GALK2: variants seen among roughly 807,000 people sequenced by gnomAD.
The protein encoded by GALK2 is galactokinase 2.
A neutral mutation model predicts 52.4 loss-of-function variants in GALK2; 36 were observed. That is an observed-to-expected ratio of 0.69 (90% CI 0.53 to 0.91). The LOEUF (loss-of-function observed/expected upper bound fraction) is 0.91. Ranked by LOEUF, GALK2 falls within the 40% of genes least tolerant of loss-of-function variation. GALK2 has a pLI of 0.00. For synonymous variants in GALK2, 176 were observed against 199.1 expected (o/e 0.88, Z 0.98); for missense variants, 579 against 559.1 (o/e 1.04, Z -0.36).
chr15:49,301,358 G>C (rs896312371), intron 8 of GALK2, among the ~76,000 whole-genome samples: 10 of 152,152 alleles, frequency 6.6e-5, no homozygotes, highest in African/African-American at 2.4e-4. Context: ...ATAGTTTCAG[G>C]CTTATTTGCC....
In GALK2 at chr15:49,328,454, C is replaced by T; in HGVS notation, c.*295C>T. On this transcript the variant is annotated 3_prime_UTR_variant, in exon 10 of 10. Transcript: ENST00000560031. ...GATTTTAAAGATGAATGGTAAAACA[C>T]ACTCTTAATACTGATTACATGGATT... is the stretch of plus-strand genomic sequence containing the variant. 1 of 1,470,536 alleles carries T rather than the reference C, an allele frequency of 6.8e-7. No individual in the cohort carries two copies. The highest frequency in any genetic ancestry group is 9.0e-7 in the Non-Finnish European group (1 of 1,111,108). 91.1% of individuals were successfully genotyped at this position (1,470,536 alleles called of 1,614,324 possible). A position where few individuals can be genotyped will look rare whatever the true frequency, so the allele number is the denominator to read the frequency against.
intron 1 of GALK2, among the ~76,000 whole-genome samples, chr15:49,200,495 A>G (rs1056264712): frequency 1.3e-5 from 2 of 152,238 alleles, no homozygotes; most frequent in African/African-American, 2.4e-5. Flanking sequence ...CTTTAATCCA[A>G]TATGACTGGT....
chr15:49,211,802 T>C (rs2088919520), intron 2 of GALK2, among the ~76,000 whole-genome samples: 1 of 152,036 alleles, frequency 6.6e-6, no homozygotes, highest in African/African-American at 2.4e-5. Flanking sequence ...AGAACCACAC[T>C]CAGGAGATTG....
chr15:49,319,804 C>T lies in GALK2; in HGVS notation c.1168C>T (p.Arg390Trp), dbSNP rs769469670. 8.7e-6 allele frequency: 14 copies of T among 1,612,566 alleles called. No individual in the cohort carries two copies. Among genetic ancestry groups the T allele is most frequent in the Middle Eastern group, 1.7e-4 (1 of 5,766 alleles). ...PELDQLVDIC[R>W]KFGAQGSRLT... ...GCTGGATCAGCTGGTGGACATCTGT[C>T]GGTGAGGCAGCCTGGTGGGGGCCAA... is the stretch of plus-strand genomic sequence containing the variant. The change falls in exon 9 of 10, where the codon CGG becomes TGG. Residue 390 changes from arginine (R) to tryptophan (W), a missense_variant and splice_region_variant. Coordinates refer to ENST00000560031, the MANE Select transcript of GALK2 (RefSeq NM_002044.4).
intron 8 of GALK2, among the ~76,000 whole-genome samples, chr15:49,299,894 TG>T (rs1311198831): frequency 3.3e-5 from 5 of 151,844 alleles, no homozygotes; most frequent in African/African-American, 1.2e-4. Context: ...ATACGTGCCA[TG>T]TGCAGATGAG....
In GALK2 at chr15:49,329,386, C is replaced by T. The variant is rs1451640542; in HGVS notation, c.*1227C>T. 3.0e-6 allele frequency: 3 copies of T among 984,986 alleles called. No individual in the cohort carries two copies. The highest frequency in any genetic ancestry group is 3.6e-6 in the Non-Finnish European group (3 of 829,764). 61.0% of individuals were successfully genotyped at this position (984,986 alleles called of 1,614,324 possible). A position where few individuals can be genotyped will look rare whatever the true frequency, so the allele number is the denominator to read the frequency against. On this transcript the variant is annotated 3_prime_UTR_variant, in exon 10 of 10. Coordinates refer to ENST00000560031, the MANE Select transcript of GALK2 (RefSeq NM_002044.4). ...TGAAATACTCAGGTAATTGAGATAGCAATGGTTTTATGGCATGAATTATCC... is the reference window on the plus strand; with the variant it reads ...TGAAATACTCAGGTAATTGAGATAGTAATGGTTTTATGGCATGAATTATCC...
intron 1 of GALK2, among the ~76,000 whole-genome samples, chr15:49,190,288 A>T (rs78239455): frequency 6.6e-6 from 1 of 150,880 alleles, no homozygotes; most frequent in Non-Finnish European, 1.5e-5. Flanking sequence ...AATGCAAATG[A>T]TTTTTTTTTT....
chr15:49,319,570 C>A lies in GALK2; in HGVS notation c.968-34C>A, dbSNP rs369843781. The A allele has an allele frequency of 1.4e-5, 22 of 1,595,444 alleles. No individual in the cohort carries two copies. The African/African-American group carries it at 2.8e-4, about 20-fold the overall frequency. ...TATACTGGGTTGTCCAGTAACTATT[C>A]CTAACCTCCTTCCCCATCCTCTTCC... On this transcript the variant is annotated intron_variant, in intron 8 of 9. Coordinates refer to ENST00000560031, the MANE Select transcript of GALK2 (RefSeq NM_002044.4).
chr15:49,195,038 CA>C (rs761821969), intron 1 of GALK2: 2 of 446,212 alleles, frequency 4.5e-6, no homozygotes, highest in Non-Finnish European at 9.0e-6. Flanking sequence ...TCATCTTATC[CA>C]AAACAGGGAT....
chr15:49,190,012 CT>C (rs1311322154), intron 1 of GALK2, among the ~76,000 whole-genome samples: 1 of 151,996 alleles, frequency 6.6e-6, no homozygotes, highest in Non-Finnish European at 1.5e-5. Context: ...CCTCTTTAAT[CT>C]TTTTTATTGT....
At chr15:49,292,831 T>C (rs766779154) in intron 8 of GALK2, among the ~76,000 whole-genome samples, 21 of 152,204 alleles carry the variant, frequency 1.4e-4, no homozygotes, top group Non-Finnish European at 2.8e-4. Context: ...CTGGTTATTA[T>C]GCTACTTGTA....
chr15:49,322,978 A>G lies in GALK2; in HGVS notation c.1169+3173A>G, dbSNP rs200951988. 8.3e-4 allele frequency among the ~76,000 whole-genome samples: 119 copies of G among 143,652 alleles called. 1 individual carries two copies. The East Asian group carries it at 0.02, about 24-fold the overall frequency. 94.2% of individuals were successfully genotyped at this position (143,652 alleles called of 152,430 possible). A position where few individuals can be genotyped will look rare whatever the true frequency, so the allele number is the denominator to read the frequency against. On this transcript the variant is annotated intron_variant, in intron 9 of 9. Coordinates refer to ENST00000560031, the MANE Select transcript of GALK2 (RefSeq NM_002044.4). The stretch of plus-strand genomic sequence containing the variant: ...TCTCAGGTAAAAAAAAAAAAAAAAG[A>G]AAAAAAAAAAAAGATGTCTGGAAAG...
chr15:49,244,349 G>A (rs1033348667), intron 5 of GALK2, among the ~76,000 whole-genome samples: 1 of 152,140 alleles, frequency 6.6e-6, no homozygotes, highest in Non-Finnish European at 1.5e-5. Context: ...CCAAACCAAA[G>A]AATATCATCT....
chr15:49,299,758 T>TCTTTCTTTC (rs1567037504), intron 8 of GALK2, among the ~76,000 whole-genome samples: 5 of 141,100 alleles, frequency 3.5e-5, no homozygotes, highest in African/African-American at 8.3e-5. Context: ...TTTCTTTCTT[T>TCTTTCTTTC]CTTTCTTTCT....
rs547092359 is a variant in GALK2, at chr15:49,297,587, C to T, written c.967+5050C>T. On this transcript the variant is annotated intron_variant, in intron 8 of 9. Transcript: ENST00000560031. ...GTCACACATTTAAGTTTTTAATCTA[C>T]CTTGAGTTGATTTTTGTATATGGTA... is the stretch of plus-strand genomic sequence containing the variant. 1.1e-3 allele frequency among the ~76,000 whole-genome samples: 161 copies of T among 152,010 alleles called. 1 individual carries two copies. Among genetic ancestry groups the T allele is most frequent in the African/African-American group, 3.8e-3 (158 of 41,484 alleles).
chr15:49,215,794 G>A (rs2089318131), intron 2 of GALK2, among the ~76,000 whole-genome samples: 1 of 152,152 alleles, frequency 6.6e-6, no homozygotes, highest in Non-Finnish European at 1.5e-5. Context: ...TGATGCTTGT[G>A]GACATTCATC....
chr15:49,342,774 T>C (rs2040932514), intron 3 of GALK2, among the ~76,000 whole-genome samples: 1 of 152,180 alleles, frequency 6.6e-6, no homozygotes, highest in African/African-American at 2.4e-5. Context: ...TTATTTCTCC[T>C]TGCTTATGAA....
intron 2 of GALK2, among the ~76,000 whole-genome samples, chr15:49,215,395 T>G (rs898007790): frequency 6.6e-6 from 1 of 152,210 alleles, no homozygotes; most frequent in African/African-American, 2.4e-5. Context: ...TTTCTAGATC[T>G]TGTAGAGAGG....
chr15:49,224,914 A>T (rs1403986660), intron 3 of GALK2, among the ~76,000 whole-genome samples: 2 of 152,128 alleles, frequency 1.3e-5, no homozygotes, highest in Admixed American at 6.5e-5. Context: ...TCTGTACAGG[A>T]TCTTTATTTG....
Sources: allele counts gnomAD v4.1 joint callset (sites outside exome capture counted in the v4.1 genomes callset), GRCh38; gene constraint gnomAD v4.1.1; transcripts MANE v1.5; gene names NCBI Gene and HGNC (gene_info 2026-07-23, HGNC 2026-07-21).